Variants in CYP19A1 observed in about 807,000 individuals in gnomAD.
CYP19A1 encodes cytochrome P450 family 19 subfamily A member 1, also known as aromatase.
In CYP19A1, 32 loss-of-function variants were observed where a neutral mutation model predicts 44.4. That is an observed-to-expected ratio of 0.72 (90% CI 0.54 to 0.97). The LOEUF (loss-of-function observed/expected upper bound fraction) is 0.97. CYP19A1 is among the 50% of genes least tolerant of loss of function. The pLI is 0.00. For synonymous variants in CYP19A1, 212 were observed against 215.6 expected (o/e 0.98, Z 0.14); for missense variants, 598 against 637.8 (o/e 0.94, Z 0.67).
At chr15:51,241,305 G>C (rs2033749856) in intron 2 of CYP19A1, among the ~76,000 whole-genome samples, 1 of 152,158 alleles carries the variant, frequency 6.6e-6, no homozygotes, top group South Asian at 2.1e-4. Context: ...ATGTTTCTAG[G>C]CCTGAAGAGT....
At chr15:51,256,224 T>C (rs2034509572) in intron 1 of CYP19A1, among the ~76,000 whole-genome samples, 1 of 152,220 alleles carries the variant, frequency 6.6e-6, no homozygotes, top group African/African-American at 2.4e-5. Context: ...TGGGAATATC[T>C]GAAATGGAAA....
intron 1 of CYP19A1, among the ~76,000 whole-genome samples, chr15:51,244,533 T>C (rs1160500638): frequency 6.6e-6 from 1 of 152,208 alleles, no homozygotes; most frequent in African/African-American, 2.4e-5. Flanking sequence ...TCTGGTTCCT[T>C]TGTTGATGAC....
chr15:51,211,236 T>C lies in CYP19A1; in HGVS notation c.1264-180A>G, dbSNP rs182356416. ...AAGCCCTTTCTATGTCCTATTTCATTCACCCCCTGTGTTCTGACCCAACCT... is the reference window on the plus strand; with the variant it reads ...AAGCCCTTTCTATGTCCTATTTCATCCACCCCCTGTGTTCTGACCCAACCT... On this transcript the variant is annotated intron_variant, in intron 9 of 9. Transcript: ENST00000396402. Among the ~76,000 whole-genome samples the C allele has an allele frequency of 2.0e-5, 3 of 152,318 alleles. No homozygotes were observed. The East Asian group carries it at 5.8e-4, about 29-fold the overall frequency.
chr15:51,220,905 C>T (rs1329061361), intron 5 of CYP19A1, among the ~76,000 whole-genome samples: 1 of 151,816 alleles, frequency 6.6e-6, no homozygotes, highest in Non-Finnish European at 1.5e-5. Flanking sequence ...CCTTCCCATC[C>T]TCTGGTAACC....
chr15:51,269,848 T>A (rs770323601), intron 1 of CYP19A1, among the ~76,000 whole-genome samples: 20 of 152,218 alleles, frequency 1.3e-4, no homozygotes, highest in Non-Finnish European at 2.5e-4. Context: ...CAGACTACAC[T>A]GGGGACTGAA....
intron 1 of CYP19A1, among the ~76,000 whole-genome samples, chr15:51,281,920 G>A (rs1219673262): frequency 6.6e-6 from 1 of 152,102 alleles, no homozygotes; most frequent in Admixed American, 6.5e-5. Flanking sequence ...CATATTTTGG[G>A]ATAGAAATGG....
At chr15:51,285,288 C>A (rs1314870523) in intron 1 of CYP19A1, among the ~76,000 whole-genome samples, 1 of 151,784 alleles carries the variant, frequency 6.6e-6, no homozygotes, top group East Asian at 2.0e-4. Flanking sequence ...AGGGGAGATA[C>A]GTGGGAAGCA....
chr15:51,296,665 A>G (rs1341925319), intron 1 of CYP19A1, among the ~76,000 whole-genome samples: 2 of 152,210 alleles, frequency 1.3e-5, no homozygotes, highest in Non-Finnish European at 2.9e-5. Context: ...AAAATGCTTC[A>G]TGTTTGCCGA....
Position 51,304,890 on chromosome 15 carries a change from C to CTTTTTTTTTTTTTTTTTTT in CYP19A1, c.-39+33586_-39+33604dup, listed in dbSNP as rs545247348. Among the ~76,000 whole-genome samples the CTTTTTTTTTTTTTTTTTTT allele has an allele frequency of 2.0e-4, 21 of 104,578 alleles. 5 individuals are homozygous for CTTTTTTTTTTTTTTTTTTT. The highest frequency in any genetic ancestry group is 9.1e-4 in the African/African-American group (19 of 20,872). 68.6% of individuals were successfully genotyped at this position (104,578 alleles called of 152,430 possible). Reference sequence around the variant, plus strand: ...ATCCCTCAGGTAATTGTGTCTCTTCCTTTTTTTTTTTTTTTTTTTTTTTTT... The same window carrying CTTTTTTTTTTTTTTTTTTT: ...ATCCCTCAGGTAATTGTGTCTCTTCCTTTTTTTTTTTTTTTTTTTTTTTTTTTTTTTTTTTTTTTTTTTT... On this transcript the variant is annotated intron_variant, in intron 1 of 9. Transcript: ENST00000396402.
At chr15:51,215,646 C>T in intron 7 of CYP19A1, 57 bp downstream of exon 7, 1 of 1,613,500 alleles carries the variant, frequency 6.2e-7, no homozygotes, top group South Asian at 1.1e-5. Flanking sequence ...TCTTTACACA[C>T]CTCTACACAG....
chr15:51,270,720 T>A (rs1413845062), intron 1 of CYP19A1, among the ~76,000 whole-genome samples: 1 of 152,228 alleles, frequency 6.6e-6, no homozygotes, highest in Non-Finnish European at 1.5e-5. Context: ...GGTTTCTTTC[T>A]GAGGAAAGAC....
chr15:51,315,957 T>G (rs927951933), intron 1 of CYP19A1: 13 of 152,174 alleles, frequency 8.5e-5, no homozygotes, highest in African/African-American at 2.9e-4. Flanking sequence ...ATGCACAGAA[T>G]TCAAGGCTTC....
intron 1 of CYP19A1, among the ~76,000 whole-genome samples, chr15:51,274,708 CAG>C (rs961307689): frequency 1.3e-5 from 2 of 152,200 alleles, no homozygotes; most frequent in East Asian, 1.9e-4. Flanking sequence ...TAGAGATGCA[CAG>C]AGTGTTTATT....
chr15:51,301,032 G>C (rs1015505941), intron 1 of CYP19A1, among the ~76,000 whole-genome samples: 2 of 152,196 alleles, frequency 1.3e-5, no homozygotes, highest in African/African-American at 4.8e-5. Context: ...CAGTTCACAG[G>C]GTGGTGAACT....
intron 6 of CYP19A1, among the ~76,000 whole-genome samples, chr15:51,217,317 C>A (rs1347394773): frequency 2.0e-5 from 3 of 152,200 alleles, no homozygotes; most frequent in Non-Finnish European, 4.4e-5. Context: ...GGTCCAATGG[C>A]CAAGACCAAG....
At chr15:51,286,015 G>A (rs146973070) in intron 1 of CYP19A1, among the ~76,000 whole-genome samples, 14 of 152,176 alleles carry the variant, frequency 9.2e-5, no homozygotes, top group African/African-American at 3.4e-4. Context: ...AGGCATCTGC[G>A]TCTCCACATG....
chr15:51,299,917 C>A (rs1410779824), intron 1 of CYP19A1, among the ~76,000 whole-genome samples: 1 of 152,202 alleles, frequency 6.6e-6, no homozygotes, highest in Non-Finnish European at 1.5e-5. Flanking sequence ...GACATTTGAG[C>A]TGAGCCAAGA....
At chr15:51,238,306 T>G (rs1490870314) in intron 2 of CYP19A1, among the ~76,000 whole-genome samples, 2 of 152,238 alleles carry the variant, frequency 1.3e-5, no homozygotes, top group Non-Finnish European at 2.9e-5. Context: ...CAGATTTGAT[T>G]GAATATGTAT....
chr15:51,282,617 CTT>C (rs1258514639), intron 1 of CYP19A1, among the ~76,000 whole-genome samples: 2 of 152,206 alleles, frequency 1.3e-5, no homozygotes, highest in Admixed American at 6.5e-5. Flanking sequence ...CTCAAACTGT[CTT>C]TTCTCTTTCC....
Sources: gnomAD v4.1 joint callset for allele counts (sites outside exome capture counted in the v4.1 genomes callset) on GRCh38, gnomAD v4.1.1 for gene constraint, MANE v1.5 for transcripts, NCBI Gene and HGNC (gene_info 2026-07-23, HGNC 2026-07-21) for gene names.